Variants in DPH6 observed in about 807,000 individuals in gnomAD.
The protein encoded by DPH6 is diphthamine biosynthesis 6, also known as diphthine--ammonia ligase.
Under a neutral mutation model 38.2 loss-of-function variants are expected in DPH6, and 33 were observed. The ratio of observed to expected loss-of-function variants is 0.86; its 90% CI spans 0.65 to 1.15. The LOEUF (loss-of-function observed/expected upper bound fraction) is 1.15. Ranked by LOEUF, DPH6 falls within the 50% of genes most tolerant of loss-of-function variation. The pLI is 0.00. For missense variants in DPH6, 325 were observed against 320.0 expected (o/e 1.02, Z -0.12); for synonymous variants, 108 against 103.0 (o/e 1.05, Z -0.30).
At chr15:35,517,307 G>A (rs2054860536) in intron 3 of DPH6, among the ~76,000 whole-genome samples, 1 of 152,026 alleles carries the variant, frequency 6.6e-6, no homozygotes, top group African/African-American at 2.4e-5. Flanking sequence ...GGTAAATTAT[G>A]CAGGCTCTCA....
intron 3 of DPH6, among the ~76,000 whole-genome samples, chr15:35,278,957 G>A (rs574032043): frequency 2.7e-5 from 4 of 148,700 alleles, no homozygotes; most frequent in African/African-American, 7.5e-5. Flanking sequence ...GCTGAGGCAG[G>A]AGAATTGCTT....
intron 3 of DPH6, among the ~76,000 whole-genome samples, chr15:35,468,475 A>G (rs1289471142): frequency 6.6e-6 from 1 of 152,088 alleles, no homozygotes; most frequent in Admixed American, 6.6e-5. Context: ...CCTCTAAGTC[A>G]TATCTCACTC....
exon 4 of DPH6, chr15:35,220,127 T>C (rs966939584): frequency 3.9e-5 from 6 of 152,248 alleles, no homozygotes; most frequent in Admixed American, 1.3e-4. Context: ...TATTAACATT[T>C]TACTATACTT....
chr15:35,343,095 A>C (rs1595489758), intron 3 of DPH6, among the ~76,000 whole-genome samples: 1 of 152,216 alleles, frequency 6.6e-6, no homozygotes, highest in Non-Finnish European at 1.5e-5. Flanking sequence ...CCATTGTCAC[A>C]CTTAAAAATA....
intron 3 of DPH6, among the ~76,000 whole-genome samples, chr15:35,335,242 A>G (rs2052360865): frequency 6.6e-6 from 1 of 151,896 alleles, no homozygotes; most frequent in South Asian, 2.1e-4. Flanking sequence ...CCACTTTTTA[A>G]TGGGGTTATT....
chr15:35,152,915 CTA>C, the DPH6 span, among the ~76,000 whole-genome samples: 6 of 152,234 alleles, frequency 3.9e-5, no homozygotes, highest in African/African-American at 1.4e-4. Flanking sequence ...TGAGATTTAG[CTA>C]GGGCAGGGCA....
intron 3 of DPH6, among the ~76,000 whole-genome samples, chr15:35,278,021 T>C (rs904742689): frequency 5.9e-5 from 9 of 152,206 alleles, no homozygotes; most frequent in Non-Finnish European, 5.9e-5. Context: ...TACAAGCAGA[T>C]TGTGGAGGAA....
downstream of DPH6, among the ~76,000 whole-genome samples, chr15:35,370,344 GT>G (rs1347030666): frequency 6.6e-6 from 1 of 151,638 alleles, no homozygotes. Flanking sequence ...ATAAGCTGGA[GT>G]TCCTTAAAAT....
At chr15:35,176,474 CT>C in the DPH6 span, among the ~76,000 whole-genome samples, 309 of 144,852 alleles carry the variant, frequency 2.1e-3, no homozygotes, top group Middle Eastern at 7.2e-3. Context: ...GTTGTAAGGT[CT>C]TTTTTTTTTT....
intron 3 of DPH6, among the ~76,000 whole-genome samples, chr15:35,225,917 T>G (rs931963693): frequency 6.6e-6 from 1 of 152,222 alleles, no homozygotes; most frequent in Non-Finnish European, 1.5e-5. Flanking sequence ...TATTTTTTAT[T>G]TGTGATTTTA....
the DPH6 span, among the ~76,000 whole-genome samples, chr15:35,171,445 G>C: frequency 6.6e-6 from 1 of 152,148 alleles, no homozygotes; most frequent in Non-Finnish European, 1.5e-5. Context: ...TAAAAATTAT[G>C]TAATAAATGA....
At chr15:35,210,947 T>C in the DPH6 span, among the ~76,000 whole-genome samples, 3 of 80,846 alleles carry the variant, frequency 3.7e-5, no homozygotes, top group African/African-American at 1.4e-4. Context: ...GATAGATCAC[T>C]TTTTTTTTTT....
chr15:35,169,502 A>C, the DPH6 span: 1 of 152,110 alleles, frequency 6.6e-6, no homozygotes, highest in Non-Finnish European at 1.5e-5. Context: ...AGGCTTTCTC[A>C]TGACTTACAT....
At chr15:35,489,769 G>A (rs762923471) in intron 3 of DPH6, 2 of 982,974 alleles carry the variant, frequency 2.0e-6, no homozygotes, top group Non-Finnish European at 2.4e-6. Context: ...TTTTGCCTTA[G>A]GAGGATAGAG....
At chr15:35,237,264 C>G in intron 3 of DPH6, 1 of 1,450,790 alleles carries the variant, frequency 6.9e-7, no homozygotes. Flanking sequence ...AGTGCTAAAA[C>G]GCGCGGCCGT....
intron 7 of DPH6, among the ~76,000 whole-genome samples, chr15:35,380,117 G>A (rs1322951715): frequency 6.6e-6 from 1 of 152,180 alleles, no homozygotes. Flanking sequence ...ACATACCTGC[G>A]TGGTAGCACC....
rs1243939129 is a variant in DPH6 at position 35,450,771 on chromosome 15, T to C, written c.419A>G (p.Tyr140Cys). Residue 140 changes from tyrosine (Y) to cysteine (C), a missense_variant, in exon 5 of 9, where the codon TAT becomes TGT. Tyr to Cys is a radical substitution (Grantham distance 194, BLOSUM62 -2). Coordinates refer to ENST00000256538, the MANE Select transcript of DPH6 (RefSeq NM_080650.4). ...ATCTTCCTGGTTTCTCTGCCAAAGA[T>C]AAGCTAAAGGCTGGAGATTAAGCCT... ...CKRLNLQPLA[Y>C]LWQRNQEDLL... The C allele has an allele frequency of 6.2e-7, 1 of 1,612,570 alleles. No individual in the cohort carries two copies. The highest frequency in any genetic ancestry group is 1.1e-5 in the South Asian group (1 of 90,850).
At chr15:35,228,289 GAA>G (rs2051495898) in intron 3 of DPH6, among the ~76,000 whole-genome samples, 1 of 152,176 alleles carries the variant, frequency 6.6e-6, no homozygotes, top group African/African-American at 2.4e-5. Context: ...CCCATGTCTT[GAA>G]AAGTTGTTGT....
At chr15:35,475,702 A>T (rs998130122) in intron 3 of DPH6, among the ~76,000 whole-genome samples, 10 of 151,876 alleles carry the variant, frequency 6.6e-5, no homozygotes, top group Non-Finnish European at 1.3e-4. Context: ...TAATAGTTTA[A>T]TATCCTTAAT....
Sources: allele counts gnomAD v4.1 joint callset (sites outside exome capture counted in the v4.1 genomes callset), GRCh38; gene constraint gnomAD v4.1.1; transcripts MANE v1.5; gene names NCBI Gene and HGNC (gene_info 2026-07-23, HGNC 2026-07-21).